PIP5K1A: variants seen among roughly 807,000 people sequenced by gnomAD.
PIP5K1A encodes phosphatidylinositol 4-phosphate 5-kinase type-1 alpha.
In PIP5K1A, 46 loss-of-function variants were observed where a neutral mutation model predicts 72.9. The observed-to-expected ratio is 0.63, with a 90% CI of 0.50 to 0.81. The LOEUF (loss-of-function observed/expected upper bound fraction) is 0.81. PIP5K1A is among the 30% of genes least tolerant of loss of function. The probability of loss-of-function intolerance (pLI) is 0.00; values close to 1 mark genes in which losing one functional copy is unlikely to be tolerated. For synonymous variants in PIP5K1A, 228 were observed against 255.1 expected (o/e 0.89, Z 1.01); for missense variants, 458 against 706.1 (o/e 0.65, Z 3.98).
intron 10 of PIP5K1A, 31 bp from the exon 11 acceptor site, chr1:151,239,099 C>G (rs587626011): frequency 3.2e-6 from 5 of 1,539,886 alleles, no homozygotes; most frequent in Non-Finnish European, 3.6e-6. Context: ...TTAAAAATGA[C>G]GTGAGTAGGT....
upstream of PIP5K1A, among the ~76,000 whole-genome samples, chr1:151,195,933 C>T (rs141164370): frequency 0.034 from 3,700 of 109,128 alleles, 73 homozygotes; most frequent in Middle Eastern, 0.098. Flanking sequence ...CTCGCTCTGT[C>T]GCCCAGGCTG....
chr1:151,210,886 C>T (rs1470857848), intron 1 of PIP5K1A, among the ~76,000 whole-genome samples: 3 of 152,070 alleles, frequency 2.0e-5, no homozygotes, highest in Non-Finnish European at 4.4e-5. Context: ...TGTGCCCGGG[C>T]TTATTGACAT....
intron 10 of PIP5K1A, 91 bp downstream of exon 10, chr1:151,238,356 C>T (rs1691177678): frequency 1.2e-6 from 1 of 858,900 alleles, no homozygotes; most frequent in Non-Finnish European, 2.0e-6. Context: ...CCAAGTTCTT[C>T]CGGAAGCAAG....
At chr1:151,196,550 A>ATTTTTTTTTTTTTT (rs5777766), upstream of PIP5K1A, among the ~76,000 whole-genome samples, 1 of 114,744 alleles carries the variant, frequency 8.7e-6, no homozygotes, top group African/African-American at 3.3e-5. Context: ...ATGCATGGGG[A>ATTTTTTTTTTTTTT]TTTTTTTTTT....
At chr1:151,218,060 G>A (rs1262973251) in intron 1 of PIP5K1A, among the ~76,000 whole-genome samples, 1 of 152,144 alleles carries the variant, frequency 6.6e-6, no homozygotes, top group Non-Finnish European at 1.5e-5. Flanking sequence ...GATTGCAGGC[G>A]TGAGCCACTG....
At chr1:151,201,395 G>T (rs1227157135) in intron 1 of PIP5K1A, among the ~76,000 whole-genome samples, 1 of 151,764 alleles carries the variant, frequency 6.6e-6, no homozygotes, top group Non-Finnish European at 1.5e-5. Flanking sequence ...TGTCACCCAG[G>T]CTGGAGTGCA....
intron 7 of PIP5K1A, chr1:151,233,928 TA>T (rs1256445191): frequency 4.6e-6 from 2 of 431,648 alleles, no homozygotes; most frequent in Admixed American, 8.1e-5. Context: ...CGTCTTCTCT[TA>T]AATCTCTCTG....
chr1:151,203,674 A>G (rs587713804), intron 1 of PIP5K1A, among the ~76,000 whole-genome samples: 10 of 151,808 alleles, frequency 6.6e-5, no homozygotes, highest in African/African-American at 2.4e-4. Flanking sequence ...AAATACAAAA[A>G]TTAGCTAGTC....
intron 5 of PIP5K1A, 97 bp from the exon 6 acceptor site, chr1:151,232,151 T>TC (rs1313205844): frequency 4.9e-6 from 4 of 808,230 alleles, no homozygotes; most frequent in Admixed American, 3.6e-5. Flanking sequence ...ATTCCCCCAC[T>TC]CCCCCCACCA....
chr1:151,218,664 T>C (rs587635023), intron 1 of PIP5K1A, among the ~76,000 whole-genome samples: 2 of 151,994 alleles, frequency 1.3e-5, no homozygotes, highest in African/African-American at 4.8e-5. Flanking sequence ...TGAAACCCCG[T>C]CTTGACTGAA....
chr1:151,224,014 G>C, intron 1 of PIP5K1A: 1 of 560,912 alleles, frequency 1.8e-6, no homozygotes, highest in Non-Finnish European at 3.2e-6. Flanking sequence ...ATGGATATTT[G>C]AATAAGAAAG....
At chr1:151,223,398 C>G (rs936992723) in intron 1 of PIP5K1A, among the ~76,000 whole-genome samples, 6 of 151,092 alleles carry the variant, frequency 4.0e-5, no homozygotes, top group African/African-American at 1.5e-4. Context: ...GTAATCCCAG[C>G]ACTTTGGGAG....
chr1:151,231,036 T>C (rs1024502875), intron 4 of PIP5K1A, among the ~76,000 whole-genome samples: 3 of 152,050 alleles, frequency 2.0e-5, no homozygotes, highest in Non-Finnish European at 4.4e-5. Context: ...TGAAACCCCA[T>C]CTGTACTAAA....
intron 9 of PIP5K1A, 63 bp downstream of exon 9, chr1:151,236,826 T>C (rs12029287): frequency 4.9e-5 from 51 of 1,035,630 alleles, no homozygotes; most frequent in East Asian, 1.3e-4. Context: ...CTTTTCTTTT[T>C]TTTTTTTTTT....
At chr1:151,212,037 G>A (rs968301782) in intron 1 of PIP5K1A, among the ~76,000 whole-genome samples, 1 of 151,766 alleles carries the variant, frequency 6.6e-6, no homozygotes, top group Non-Finnish European at 1.5e-5. Context: ...GCGTGAATCC[G>A]CAAGGCAGAG....
At chr1:151,203,984 A>T (rs1442547093) in intron 1 of PIP5K1A, among the ~76,000 whole-genome samples, 4 of 152,100 alleles carry the variant, frequency 2.6e-5, no homozygotes, top group African/African-American at 9.7e-5. Context: ...ACAGCTGCTT[A>T]CCTGACTTTT....
intron 1 of PIP5K1A, among the ~76,000 whole-genome samples, chr1:151,207,939 A>T (rs1450002141): frequency 6.7e-6 from 1 of 149,666 alleles, no homozygotes; most frequent in Admixed American, 6.7e-5. Context: ...ATCTTGGCTC[A>T]CTGCATCCTC....
intron 1 of PIP5K1A, among the ~76,000 whole-genome samples, chr1:151,213,013 C>G (rs1016368553): frequency 6.6e-6 from 1 of 150,856 alleles, no homozygotes; most frequent in African/African-American, 2.4e-5. Context: ...GCCTCAGCCT[C>G]TGGAGTAGCT....
intron 1 of PIP5K1A, among the ~76,000 whole-genome samples, chr1:151,219,918 T>C (rs1439712035): frequency 2.1e-5 from 3 of 141,520 alleles, no homozygotes; most frequent in Non-Finnish European, 4.5e-5. Context: ...CTCGAACTCC[T>C]GGGCTCAATT....
Sources: gnomAD v4.1 joint callset for allele counts (sites outside exome capture counted in the v4.1 genomes callset) on GRCh38, gnomAD v4.1.1 for gene constraint, MANE v1.5 for transcripts, NCBI Gene and HGNC (gene_info 2026-07-23, HGNC 2026-07-21) for gene names.